BANK1: variants seen among roughly 807,000 people sequenced by gnomAD.
BANK1 encodes B cell scaffold protein with ankyrin repeats 1.
Under a neutral mutation model 94.5 loss-of-function variants are expected in BANK1, and 95 were observed. The ratio of observed to expected loss-of-function variants is 1.00; its 90% CI spans 0.85 to 1.19. The LOEUF is 1.19. BANK1 is among the 50% of genes most tolerant of loss of function. The pLI is 0.00. For missense variants in BANK1, 987 were observed against 932.2 expected (o/e 1.06, Z -0.77); for synonymous variants, 334 against 308.4 (o/e 1.08, Z -0.87).
chr4:101,798,250 G>A (rs922371121), intron 1 of BANK1, among the ~76,000 whole-genome samples: 2 of 152,092 alleles, frequency 1.3e-5, no homozygotes, highest in African/African-American at 2.4e-5. Context: ...CCATGGAGAC[G>A]CCCTTTAGAA....
chr4:101,987,601 T>G (rs1725559555), intron 7 of BANK1, among the ~76,000 whole-genome samples: 1 of 152,206 alleles, frequency 6.6e-6, no homozygotes, highest in Non-Finnish European at 1.5e-5. Flanking sequence ...GGAGTGTATC[T>G]TTGTATGATC....
chr4:102,015,625 G>T (rs879590503), intron 7 of BANK1, among the ~76,000 whole-genome samples: 1 of 152,182 alleles, frequency 6.6e-6, no homozygotes, highest in Non-Finnish European at 1.5e-5. Flanking sequence ...TGGAAAAGAC[G>T]GTTGTAAACA....
intron 6 of BANK1, among the ~76,000 whole-genome samples, chr4:101,909,011 G>A (rs1722564375): frequency 6.6e-6 from 1 of 152,162 alleles, no homozygotes; most frequent in Non-Finnish European, 1.5e-5. Flanking sequence ...ATTCCTCAAG[G>A]ATCTAGAACT....
At chr4:101,847,063 G>A (rs12512304) in intron 2 of BANK1, among the ~76,000 whole-genome samples, 12,109 of 152,176 alleles carry the variant, frequency 0.08, 672 homozygotes, top group Admixed American at 0.18. Flanking sequence ...TAGATTGCAA[G>A]TCGTATGAAG....
At chr4:102,035,949 GA>G (rs774896318) in intron 10 of BANK1, among the ~76,000 whole-genome samples, 5 of 152,234 alleles carry the variant, frequency 3.3e-5, no homozygotes, top group South Asian at 4.1e-4. Flanking sequence ...ACAAATCAGG[GA>G]AAGAAAATGA....
intron 7 of BANK1, among the ~76,000 whole-genome samples, chr4:101,965,151 C>T (rs192417719): frequency 1.9e-4 from 29 of 151,914 alleles, no homozygotes; most frequent in African/African-American, 7.0e-4. Flanking sequence ...ACATAAAGAA[C>T]AGACACACAA....
chr4:101,891,886 C>T lies in BANK1; in HGVS notation c.904-3419C>T, dbSNP rs79554963. 8.6e-4 allele frequency among the ~76,000 whole-genome samples: 130 copies of T among 151,924 alleles called. 2 individuals carry two copies. In the East Asian group the frequency reaches 0.024, roughly 28 times the overall value. ...GAGAATTTCTGTTTTCCTGATAAAG[C>T]TTTCTATTTTTTATTTGTTTCAAGC... On this transcript the variant is annotated intron_variant, in intron 5 of 16. Coordinates refer to ENST00000322953, the MANE Select transcript of BANK1 (RefSeq NM_017935.5).
intron 7 of BANK1, among the ~76,000 whole-genome samples, chr4:102,010,899 A>G (rs2148941923): frequency 6.6e-6 from 1 of 152,330 alleles, no homozygotes; most frequent in East Asian, 1.9e-4. Context: ...AAATTGTTCA[A>G]ATATCTAAAC....
At chr4:102,041,661 G>A (rs560299541) in intron 10 of BANK1, among the ~76,000 whole-genome samples, 5 of 152,048 alleles carry the variant, frequency 3.3e-5, no homozygotes, top group East Asian at 3.9e-4. Flanking sequence ...TTAAAGAGTC[G>A]TATTATCAGC....
At chr4:102,048,651 G>A (rs1727956183) in intron 11 of BANK1, among the ~76,000 whole-genome samples, 1 of 152,008 alleles carries the variant, frequency 6.6e-6, no homozygotes, top group Non-Finnish European at 1.5e-5. Flanking sequence ...CTCTAAAGAA[G>A]GTAAAAAGGA....
At chr4:101,901,070 C>T (rs1722267154) in intron 6 of BANK1, among the ~76,000 whole-genome samples, 1 of 152,104 alleles carries the variant, frequency 6.6e-6, no homozygotes, top group Admixed American at 6.6e-5. Context: ...GAAAAAAGCC[C>T]ACAAAATAAC....
chr4:101,868,017 A>T, intron 4 of BANK1, among the ~76,000 whole-genome samples: 1 of 151,800 alleles, frequency 6.6e-6, no homozygotes, highest in East Asian at 1.9e-4. Flanking sequence ...AAAGACAGAG[A>T]TTGCCAGAAT....
chr4:102,039,899 A>G (rs1057170953), intron 10 of BANK1, among the ~76,000 whole-genome samples: 3 of 152,106 alleles, frequency 2.0e-5, no homozygotes, highest in East Asian at 1.9e-4. Flanking sequence ...ATTATCATCA[A>G]TGATAGCTGT....
chr4:102,024,762 CTAAA>C (rs1384074761), intron 8 of BANK1, among the ~76,000 whole-genome samples: 4 of 151,944 alleles, frequency 2.6e-5, no homozygotes, highest in Admixed American at 1.3e-4. Flanking sequence ...ATTAAAATAA[CTAAA>C]TAAGAGTCAG....
chr4:102,057,248 CTCTCTT>C (rs1175368410), intron 11 of BANK1, among the ~76,000 whole-genome samples: 4 of 151,996 alleles, frequency 2.6e-5, no homozygotes, highest in African/African-American at 4.8e-5. Flanking sequence ...CTTGCTCTCT[CTCTCTT>C]TCTCTTTCTC....
chr4:101,813,057 C>T (rs1434049444), intron 1 of BANK1, among the ~76,000 whole-genome samples: 1 of 151,980 alleles, frequency 6.6e-6, no homozygotes, highest in Non-Finnish European at 1.5e-5. Context: ...TATAAACACC[C>T]CCCTGAATCA....
chr4:101,862,250 A>G (rs1727905484), intron 3 of BANK1, among the ~76,000 whole-genome samples: 1 of 152,118 alleles, frequency 6.6e-6, no homozygotes, highest in Non-Finnish European at 1.5e-5. Flanking sequence ...CGCAAGAAGA[A>G]AAGGAAGAGG....
intron 7 of BANK1, among the ~76,000 whole-genome samples, chr4:101,923,866 A>G (rs1025897950): frequency 6.6e-6 from 1 of 151,792 alleles, no homozygotes; most frequent in African/African-American, 2.4e-5. Context: ...AAGACTATGC[A>G]TCTATTAAAA....
chr4:101,951,443 A>G (rs1322668301), intron 7 of BANK1, among the ~76,000 whole-genome samples: 2 of 152,140 alleles, frequency 1.3e-5, no homozygotes, highest in African/African-American at 2.4e-5. Flanking sequence ...TTTACAGGGA[A>G]AAGTTAGAGA....
Sources: allele counts gnomAD v4.1 joint callset (sites outside exome capture counted in the v4.1 genomes callset), GRCh38; gene constraint gnomAD v4.1.1; transcripts MANE v1.5; gene names NCBI Gene and HGNC (gene_info 2026-07-23, HGNC 2026-07-21).